The following ANKRD62 variants were observed in gnomAD, a reference collection of about 807,000 sequenced individuals.
The protein encoded by ANKRD62 is ankyrin repeat domain-containing protein 62.
In ANKRD62, 61 loss-of-function variants were observed where a neutral mutation model predicts 98.8. The observed-to-expected ratio is 0.62, with a 90% CI of 0.50 to 0.76. The LOEUF (loss-of-function observed/expected upper bound fraction) is 0.76. ANKRD62 is among the 30% of genes least tolerant of loss of function. ANKRD62 has a pLI of 0.00. For synonymous variants in ANKRD62, 341 were observed against 367.9 expected, an observed-to-expected ratio of 0.93 and a Z score of 0.84; for missense variants, 933 against 1,082.9, an observed-to-expected ratio of 0.86 and a Z score of 1.94.
At chr18:12,175,642 T>C in the ANKRD62 span, among the ~76,000 whole-genome samples, 2 of 152,006 alleles carry the variant, frequency 1.3e-5, no homozygotes, top group Non-Finnish European at 2.9e-5. Flanking sequence ...AAGGCTGCCC[T>C]GCAAGCAGGC....
At chr18:12,168,247 C>T in the ANKRD62 span, among the ~76,000 whole-genome samples, 3 of 152,190 alleles carry the variant, frequency 2.0e-5, no homozygotes, top group South Asian at 2.1e-4. Context: ...AGGTTTTCTT[C>T]TAGGGTTTTT....
chr18:12,095,679 T>A (rs974332229), intron 3 of ANKRD62, 69 bp downstream of exon 3: 1 of 1,351,712 alleles, frequency 7.4e-7, no homozygotes. Flanking sequence ...ATATGATTTT[T>A]TTTAGTAAAA....
At chr18:12,129,892 G>A (rs1296811067), downstream of ANKRD62, 2 of 152,454 alleles carry the variant, frequency 1.3e-5, no homozygotes, top group African/African-American at 4.8e-5. Context: ...TGGGCATTTG[G>A]GTTATTTCCA....
At chr18:12,103,380 T>G (rs116311024) in intron 7 of ANKRD62, among the ~76,000 whole-genome samples, 152 bp downstream of exon 7, 2,889 of 152,284 alleles carry the variant, frequency 0.019, 84 homozygotes, top group African/African-American at 0.065. Flanking sequence ...AAATTTAAAG[T>G]GTTCTAAGAA....
chr18:12,125,495 G>A lies in ANKRD62; in HGVS notation c.1674G>A (p.Trp558Ter), dbSNP rs1479027740. 2.0e-6 allele frequency: 3 copies of A among 1,482,918 alleles called. No homozygotes were observed. The highest frequency in any genetic ancestry group is 2.7e-5 in the South Asian group (2 of 72,862). 91.9% of individuals were successfully genotyped at this position (1,482,918 alleles called of 1,614,324 possible). The stretch of plus-strand genomic sequence containing the variant: ...CTCATGAAAGAGAAAGAGACCTGTG[G>A]CAGGAAAATCACTTGATGCGGGATG... ...FHTHERERDL[W>*]QENHLMRDEI... Residue 558 changes from tryptophan (W) to a stop codon, truncating the protein, a stop_gained, in exon 13 of 14, where the codon TGG becomes TGA. Coordinates refer to ENST00000587848, the MANE Select transcript of ANKRD62 (RefSeq NM_001277333.2). LOFTEE classifies it high-confidence loss of function.
the ANKRD62 span, among the ~76,000 whole-genome samples, chr18:12,164,572 T>C: frequency 1.3e-5 from 2 of 151,982 alleles, no homozygotes; most frequent in Non-Finnish European, 1.5e-5. Flanking sequence ...AGATGCATTA[T>C]TGTGTTGTTT....
chr18:12,099,086 G>A (rs554191168), intron 5 of ANKRD62, among the ~76,000 whole-genome samples: 130 of 152,210 alleles, frequency 8.5e-4, no homozygotes, highest in South Asian at 1.9e-3. Flanking sequence ...GCAAAATTAG[G>A]ACTTAACAAC....
chr18:12,162,075 A>C, the ANKRD62 span, among the ~76,000 whole-genome samples: 1 of 151,970 alleles, frequency 6.6e-6, no homozygotes, highest in Non-Finnish European at 1.5e-5. Context: ...TGGAAGATCT[A>C]GTTTTTTTGA....
the ANKRD62 span, among the ~76,000 whole-genome samples, chr18:12,141,005 G>A: frequency 6.6e-6 from 1 of 152,234 alleles, no homozygotes; most frequent in African/African-American, 2.4e-5. Flanking sequence ...GCTCCACCCA[G>A]TTCGAGCTTC....
the ANKRD62 span, among the ~76,000 whole-genome samples, chr18:12,135,206 C>A: frequency 1.7e-5 from 2 of 116,986 alleles, no homozygotes; most frequent in African/African-American, 7.0e-5. Flanking sequence ...CCCCACCCCA[C>A]AACAGTCCCC....
chr18:12,135,842 T>G, the ANKRD62 span, among the ~76,000 whole-genome samples: 1 of 152,258 alleles, frequency 6.6e-6, no homozygotes, highest in Non-Finnish European at 1.5e-5. Flanking sequence ...AAATGTCTTC[T>G]TTTGAGAAGT....
chr18:12,141,429 G>T, the ANKRD62 span, among the ~76,000 whole-genome samples: 1 of 152,282 alleles, frequency 6.6e-6, no homozygotes, highest in South Asian at 2.1e-4. Context: ...CTTCTGTGTC[G>T]CTCACACTGG....
intron 8 of ANKRD62, among the ~76,000 whole-genome samples, chr18:12,108,198 G>C (rs1233952900): frequency 6.6e-6 from 1 of 152,166 alleles, no homozygotes; most frequent in Non-Finnish European, 1.5e-5. Flanking sequence ...AACACATCTT[G>C]TATTAGTCTA....
At chr18:12,112,111 C>G (rs9950151) in intron 8 of ANKRD62, among the ~76,000 whole-genome samples, 1,710 of 29,456 alleles carry the variant, frequency 0.058, 107 homozygotes, top group Non-Finnish European at 0.11. Context: ...GACTCCAACT[C>G]AAAAAAAAAA....
the ANKRD62 span, among the ~76,000 whole-genome samples, chr18:12,159,144 A>G: frequency 6.6e-6 from 1 of 152,192 alleles, no homozygotes; most frequent in African/African-American, 2.4e-5. Context: ...TATTTAAAGA[A>G]GAGTGCATAT....
At chr18:12,175,140 G>T in the ANKRD62 span, among the ~76,000 whole-genome samples, 4 of 152,234 alleles carry the variant, frequency 2.6e-5, no homozygotes, top group Non-Finnish European at 5.9e-5. Context: ...TGTGTATGTG[G>T]TTGCATTGGT....
chr18:12,171,971 G>T, the ANKRD62 span, among the ~76,000 whole-genome samples: 1 of 152,104 alleles, frequency 6.6e-6, no homozygotes, highest in Admixed American at 6.5e-5. Flanking sequence ...TCATGCCATG[G>T]TTTTCAGCTC....
Position 12,126,073 on chromosome 18 carries a change from T to C in ANKRD62, c.2252T>C (p.Ile751Thr), listed in dbSNP as rs1240374906. The change falls in exon 13 of 14, where the codon ATT becomes ACT. Residue 751 changes from isoleucine to threonine, a missense_variant. By Grantham distance (89) the Ile-to-Thr change is moderately conservative. Transcript: ENST00000587848. The stretch of plus-strand genomic sequence containing the variant: ...CGAACACAGCGTCGATTGGAGGACA[T>C]TGAACACATGTACCAAAATGACCAA... ...LSRTQRRLED[I>T]EHMYQNDQPI... 1 of 1,535,964 alleles carries C rather than the reference T, an allele frequency of 6.5e-7. No individual in the cohort carries two copies. Among genetic ancestry groups the C allele is most frequent in the Admixed American group, 2.0e-5 (1 of 50,988 alleles).
At chr18:12,099,912 T>C (rs1332528575) in intron 6 of ANKRD62, among the ~76,000 whole-genome samples, 1 of 152,204 alleles carries the variant, frequency 6.6e-6, no homozygotes, top group Non-Finnish European at 1.5e-5. Flanking sequence ...TATCGTAGTT[T>C]CTGAAATTCT....
Sources: allele counts gnomAD v4.1 joint callset (sites outside exome capture counted in the v4.1 genomes callset), GRCh38; gene constraint gnomAD v4.1.1; transcripts MANE v1.5; gene names NCBI Gene and HGNC (gene_info 2026-07-23, HGNC 2026-07-21).